Variants in AXDND1 observed in about 807,000 individuals in gnomAD.
AXDND1 encodes axonemal dynein light chain domain containing 1.
In AXDND1, 110 loss-of-function variants were observed where a neutral mutation model predicts 137.5. That is an observed-to-expected ratio of 0.80 (90% CI 0.69 to 0.94). AXDND1 has a LOEUF of 0.94. Among genes scored for constraint, AXDND1 ranks in the 40% least tolerant of loss-of-function variants. The pLI, the probability that AXDND1 is intolerant of heterozygous loss-of-function variation, is 0.00. For missense variants in AXDND1, 1,191 were observed against 1,169.8 expected (o/e 1.02, Z -0.26); for synonymous variants, 414 against 399.7 (o/e 1.04, Z -0.43).
At chr1:179,479,088 A>G (rs545254578) in intron 17 of AXDND1, among the ~76,000 whole-genome samples, 62 of 152,212 alleles carry the variant, frequency 4.1e-4, no homozygotes, top group Admixed American at 2.9e-3. Flanking sequence ...TGAGACAGAG[A>G]GAGACTCTGT....
chr1:179,554,058 A>G (rs6425576), intron 25 of AXDND1, among the ~76,000 whole-genome samples: 81,496 of 151,720 alleles, frequency 0.54, 22,977 homozygotes, highest in African/African-American at 0.72. Context: ...GATTACAGGC[A>G]TGTGCTACCA....
chr1:179,371,226 G>A (rs1161729327), intron 4 of AXDND1, among the ~76,000 whole-genome samples: 1 of 152,034 alleles, frequency 6.6e-6, no homozygotes, highest in Non-Finnish European at 1.5e-5. Flanking sequence ...TCAGGAGTTC[G>A]AGACTAGTCT....
chr1:179,389,377 A>G (rs1408481500), intron 9 of AXDND1, among the ~76,000 whole-genome samples: 8 of 152,144 alleles, frequency 5.3e-5, no homozygotes. Context: ...GTTTATTTAC[A>G]TTAGTATTTT....
intron 11 of AXDND1, among the ~76,000 whole-genome samples, chr1:179,403,242 G>A (rs1484753197): frequency 6.6e-6 from 1 of 152,170 alleles, no homozygotes. Flanking sequence ...TTATAGTACT[G>A]TACTGTATTC....
rs188977379 is a variant in AXDND1 at position 179,400,676 on chromosome 1, G to A, written c.1109+5474G>A. On this transcript the variant is annotated intron_variant, in intron 11 of 25. Transcript: ENST00000367618. ...CCCAGCACTCTGGGAGGCCAAGGTG[G>A]GCAGATCACGAGGTCAGGAGATCAA... 2.3e-4 allele frequency among the ~76,000 whole-genome samples: 34 copies of A among 149,692 alleles called. No individual in the cohort carries two copies. In the East Asian group the frequency reaches 3.6e-3, roughly 16 times the overall value.
At chr1:179,429,940 A>G (rs1200363548) in intron 13 of AXDND1, among the ~76,000 whole-genome samples, 1 of 148,522 alleles carries the variant, frequency 6.7e-6, no homozygotes, top group Non-Finnish European at 1.5e-5. Context: ...TTTATGGGAA[A>G]ATTCAGTGAG....
intron 25 of AXDND1, chr1:179,550,985 G>A: frequency 1.5e-6 from 1 of 683,702 alleles, no homozygotes; most frequent in East Asian, 2.7e-5. Flanking sequence ...GAAACATGTT[G>A]TCTGCCTTCT....
intron 15 of AXDND1, among the ~76,000 whole-genome samples, chr1:179,442,208 C>G (rs1659088950): frequency 6.6e-6 from 1 of 152,180 alleles, no homozygotes; most frequent in Admixed American, 6.5e-5. Context: ...GTTTCTGCAA[C>G]TGGAAGAGGC....
intron 23 of AXDND1, among the ~76,000 whole-genome samples, chr1:179,532,547 A>G (rs1671129774): frequency 6.6e-6 from 1 of 152,222 alleles, no homozygotes; most frequent in African/African-American, 2.4e-5. Flanking sequence ...AGAAAGAGAA[A>G]AATATGTGAC....
chr1:179,369,935 G>T (rs1001028080), intron 3 of AXDND1, 40 bp from the exon 4 acceptor site: 54 of 1,442,530 alleles, frequency 3.7e-5, no homozygotes, highest in Non-Finnish European at 5.0e-5. Flanking sequence ...TGATTAGATC[G>T]CCCTCTGCTG....
intron 25 of AXDND1, chr1:179,551,165 C>T: frequency 6.2e-7 from 1 of 1,613,808 alleles, no homozygotes; most frequent in South Asian, 1.1e-5. Context: ...CATTATGCCC[C>T]ATCCTTCCTA....
At chr1:179,533,532 C>T (rs926851468) in intron 23 of AXDND1, among the ~76,000 whole-genome samples, 2 of 151,578 alleles carry the variant, frequency 1.3e-5, no homozygotes, top group African/African-American at 4.8e-5. Flanking sequence ...GTTACTGTTT[C>T]CCCTGCTTCT....
At chr1:179,485,747 A>AAG (rs139938400) in intron 18 of AXDND1, among the ~76,000 whole-genome samples, 82,991 of 151,460 alleles carry the variant, frequency 0.55, 23,002 homozygotes, top group East Asian at 0.76. Flanking sequence ...ATCAACGTAC[A>AAG]AGAAAGTTGA....
intron 25 of AXDND1, among the ~76,000 whole-genome samples, chr1:179,549,778 G>A (rs1021981426): frequency 1.3e-5 from 2 of 152,088 alleles, no homozygotes; most frequent in Non-Finnish European, 2.9e-5. Flanking sequence ...GGCCAACACA[G>A]TGATAATGAG....
At chr1:179,546,262 A>G (rs943327371) in intron 25 of AXDND1, 3 of 151,332 alleles carry the variant, frequency 2.0e-5, no homozygotes, top group Non-Finnish European at 2.9e-5. Flanking sequence ...CACTATGGGG[A>G]AAGGAAATCA....
At chr1:179,552,479 G>A (rs1673429458) in intron 25 of AXDND1, 1 of 760,492 alleles carries the variant, frequency 1.3e-6, no homozygotes, top group Non-Finnish European at 2.3e-6. Context: ...TAATAGAGTT[G>A]TAAGGGCCCA....
Position 179,366,524 on chromosome 1 carries a change from A to G in AXDND1, c.15A>G (p.Lys5=), listed in dbSNP as rs774320719. 2 of 1,613,292 alleles carry G rather than the reference A, an allele frequency of 1.2e-6. No homozygotes were observed. Among genetic ancestry groups the G allele is most frequent in the South Asian group, 2.2e-5 (2 of 91,054 alleles). MSLP[K]TPSTPLNSTS... ...CATTGTTTATTATGTCTCTCCCGAAAACGCCCTCCACCCCGCTAAACTCTA... is the reference window on the plus strand; with the variant it reads ...CATTGTTTATTATGTCTCTCCCGAAGACGCCCTCCACCCCGCTAAACTCTA... The change falls in exon 2 of 26, where the codon AAA becomes AAG. Residue 5 remains lysine, a synonymous_variant. Coordinates refer to ENST00000367618, the MANE Select transcript of AXDND1 (RefSeq NM_144696.6).
chr1:179,493,922 A>C (rs775155389), intron 20 of AXDND1, among the ~76,000 whole-genome samples: 1 of 152,138 alleles, frequency 6.6e-6, no homozygotes. Flanking sequence ...CAGTTGCTTT[A>C]CATACTCACT....
chr1:179,496,585 T>C (rs1667469263), intron 20 of AXDND1, among the ~76,000 whole-genome samples: 1 of 151,548 alleles, frequency 6.6e-6, no homozygotes, highest in South Asian at 2.1e-4. Context: ...GAATCCTCTC[T>C]CTTTTTGTTT....
Sources: gnomAD v4.1 joint callset for allele counts (sites outside exome capture counted in the v4.1 genomes callset) on GRCh38, gnomAD v4.1.1 for gene constraint, MANE v1.5 for transcripts, NCBI Gene and HGNC (gene_info 2026-07-23, HGNC 2026-07-21) for gene names.